SRSF5: variants seen among roughly 807,000 people sequenced by gnomAD.
The protein encoded by SRSF5 is serine/arginine-rich splicing factor 5.
A neutral mutation model predicts 34.0 loss-of-function variants in SRSF5; 5 were observed. The ratio of observed to expected loss-of-function variants is 0.15; its 90% confidence interval spans 0.08 to 0.31. The LOEUF (loss-of-function observed/expected upper bound fraction) is 0.31. Ranked by LOEUF, SRSF5 falls within the 10% of genes least tolerant of loss-of-function variation. The pLI is 1.00. For synonymous variants in SRSF5, 164 were observed against 117.7 expected (o/e 1.39, Z -2.55); for missense variants, 223 against 351.4 (o/e 0.63, Z 2.92).
chr14:69,770,487 A>G lies in SRSF5; in HGVS notation c.387A>G (p.Arg129=), dbSNP rs1594753539. 1.4e-5 allele frequency: 23 copies of G among 1,614,074 alleles called. No homozygotes were observed. Among genetic ancestry groups the G allele is most frequent in the Non-Finnish European group, 1.9e-5 (22 of 1,180,006 alleles). Residue 129 remains arginine (R), a synonymous_variant, in exon 6 of 8, where the codon AGA becomes AGG. Coordinates refer to ENST00000557154, the MANE Select transcript of SRSF5 (RefSeq NM_001320214.2). The part of the protein sequence containing the change: ...VSWQDLKDFM[R]QAGEVTFADA... ...TTAAGGATCTCAAAGATTTCATGAGACAAGCTGGGGAAGTAACGTTTGCGG... is the reference window on the plus strand; with the variant it reads ...TTAAGGATCTCAAAGATTTCATGAGGCAAGCTGGGGAAGTAACGTTTGCGG...
intron 2 of SRSF5, 66 bp from the exon 3 acceptor site, chr14:69,768,538 T>C: frequency 6.8e-7 from 1 of 1,466,754 alleles, no homozygotes; most frequent in East Asian, 2.3e-5. Flanking sequence ...CTGATTTCAG[T>C]GCTCTTAATG....
At chr14:69,770,800 A>C (rs1394606845) in intron 6 of SRSF5, 195 bp from the exon 7 acceptor site, 6 of 649,144 alleles carry the variant, frequency 9.2e-6, no homozygotes, top group Non-Finnish European at 1.3e-5. Context: ...TGCATAGGGA[A>C]CCCCCTCAAC....
intron 4 of SRSF5, 130 bp from the exon 5 acceptor site, chr14:69,769,050 CAT>C (rs1236994984): frequency 2.3e-6 from 3 of 1,298,896 alleles, no homozygotes; most frequent in South Asian, 2.5e-5. Context: ...CTATATGAGT[CAT>C]AGAACACAAA....
At chr14:69,770,136 C>G in intron 5 of SRSF5, 4 of 1,052,042 alleles carry the variant, frequency 3.8e-6, no homozygotes, top group Non-Finnish European at 3.4e-6. Flanking sequence ...CTACTTTAGT[C>G]TTTACTTTAA....
rs771592153 is a variant in SRSF5 at position 69,771,217 on chromosome 14, C to A, written c.575C>A (p.Ser192Tyr). The part of the protein sequence containing the change: ...RHSRSRSRSR[S>Y]RTRSSSRSRS... ...AGTAGGTCAAGAAGCAGGTCTCGAT[C>A]CCGGACCAGAAGTTCCTCTAGGTCT... The change falls in exon 8 of 8, where the codon TCC becomes TAC. Residue 192 changes from serine (S) to tyrosine (Y), a missense_variant. By Grantham distance (144) the Ser-to-Tyr change is moderately radical (BLOSUM62 -2). Around this residue, in one of 4 missense-constraint regions of SRSF5, gnomAD observed 115 missense variants for 119.7 expected, o/e 0.96. Transcript: ENST00000557154. 6.2e-7 allele frequency: 1 copy of A among 1,614,034 alleles called. No homozygotes were observed. The highest frequency in any genetic ancestry group is 8.5e-7 in the Non-Finnish European group (1 of 1,180,042).
At chr14:69,769,828 T>TCG in intron 5 of SRSF5, 1 of 1,314,314 alleles carries the variant, frequency 7.6e-7, no homozygotes, top group Non-Finnish European at 9.7e-7. Context: ...GGAATCCTGA[T>TCG]CGCAGTAAAG....
chr14:69,769,380 CATTT>C (rs1273760263), intron 5 of SRSF5, 129 bp downstream of exon 5: 67 of 1,500,910 alleles, frequency 4.5e-5, no homozygotes, highest in Middle Eastern at 4.0e-4. Context: ...TAATTTTAAA[CATTT>C]AATTAAATGT....
intron 1 of SRSF5, 63 bp from the exon 2 acceptor site, chr14:69,768,074 GT>G (rs1882751104): frequency 6.4e-7 from 1 of 1,566,194 alleles, no homozygotes; most frequent in East Asian, 2.2e-5. Flanking sequence ...GTTTTTGATT[GT>G]TTAATCAGGC....
rs1594753577 is a variant in SRSF5, at chr14:69,770,524, C to T, written c.424C>T (p.Pro142Ser). The T allele has an allele frequency of 6.2e-7, 1 of 1,613,662 alleles. No individual in the cohort carries two copies. Among genetic ancestry groups the T allele is most frequent in the Admixed American group, 1.7e-5 (1 of 59,964 alleles). The change falls in exon 6 of 8, where the codon CCT (proline) becomes TCT (serine). Residue 142 changes from proline (P) to serine (S), a missense_variant. Pro to Ser is a moderately conservative substitution (Grantham distance 74). Coordinates refer to ENST00000557154, the MANE Select transcript of SRSF5 (RefSeq NM_001320214.2). ...AGTAACGTTTGCGGATGCACACCGA[C>T]CTAAATTAAATGAAGGGTATGTACT... ...GEVTFADAHR[P>S]KLNEGVVEFA...
At chr14:69,769,633 AC>A in intron 5 of SRSF5, 2 of 1,534,518 alleles carry the variant, frequency 1.3e-6, no homozygotes, top group Non-Finnish European at 1.7e-6. Flanking sequence ...TCAGTTGGCC[AC>A]CTCTAGATCT....
chr14:69,769,000 GTTC>G (rs1445420139), intron 4 of SRSF5, 104 bp downstream of exon 4: 18 of 1,337,578 alleles, frequency 1.3e-5, no homozygotes, highest in Non-Finnish European at 1.8e-5. Flanking sequence ...CGTATAATCT[GTTC>G]TTCTATTCCC....
intron 5 of SRSF5, chr14:69,769,719 C>T (rs1050738617): frequency 2.1e-6 from 3 of 1,430,850 alleles, no homozygotes; most frequent in South Asian, 1.5e-5. Flanking sequence ...GCGTTGATAA[C>T]GTGATCTGAT....
rs535128248 is a variant in SRSF5, at chr14:69,767,653, C to T, written c.-20+398C>T. On this transcript the variant is annotated intron_variant, in intron 1 of 7. Coordinates refer to ENST00000557154, the MANE Select transcript of SRSF5 (RefSeq NM_001320214.2). Reference sequence around the variant, plus strand: ...AAGAGGGAATTTGGCACGCGCAGCTCTGCTGCCTTTGATTCCACCGCCGCC... The same window carrying T: ...AAGAGGGAATTTGGCACGCGCAGCTTTGCTGCCTTTGATTCCACCGCCGCC... The T allele has an allele frequency of 9.9e-4, 388 of 393,830 alleles. 5 individuals are homozygous for T. The highest frequency in any genetic ancestry group is 6.2e-3 in the South Asian group (360 of 57,744). The allele number at this position is 393,830 out of a possible 1,614,324, so 24.4% of individuals were successfully genotyped here. A position where few individuals can be genotyped will look rare whatever the true frequency, so the allele number is the denominator to read the frequency against.
rs775698330 is a variant in SRSF5 at position 69,769,265 on chromosome 14, C to T, written c.366+14C>T. 5.0e-6 allele frequency: 8 copies of T among 1,613,808 alleles called. No individual in the cohort carries two copies. The East Asian group carries it at 1.6e-4, about 31-fold the overall frequency. On this transcript the variant is annotated intron_variant, in intron 5 of 7. Transcript: ENST00000557154. ...GTCAGCTGGCAGGTTTGTTGAAATACAGTTTTGAGTTATTTTGATGTGGCT... is the reference window on the plus strand; with the variant it reads ...GTCAGCTGGCAGGTTTGTTGAAATATAGTTTTGAGTTATTTTGATGTGGCT...
In SRSF5 at chr14:69,768,286, A is replaced by C; in HGVS notation, c.126+4A>C. ...GAAAAGAGGCTTTGGTTTTGTGGTA[A>C]GTATTTAGAACTGGGTGAATTATCT... is the stretch of plus-strand genomic sequence containing the variant. On this transcript the variant is annotated splice_donor_region_variant and intron_variant, in intron 2 of 7. Coordinates refer to ENST00000557154, the MANE Select transcript of SRSF5 (RefSeq NM_001320214.2). 5 of 1,614,194 alleles carry C rather than the reference A, an allele frequency of 3.1e-6. No homozygotes were observed. Among genetic ancestry groups the C allele is most frequent in the Non-Finnish European group, 4.2e-6 (5 of 1,180,024 alleles).
chr14:69,769,008 A>T, intron 4 of SRSF5, 112 bp downstream of exon 4: 1 of 1,307,082 alleles, frequency 7.7e-7, no homozygotes, highest in African/African-American at 1.6e-5. Context: ...CTGTTCTTCT[A>T]TTCCCACGTT....
intron 6 of SRSF5, 136 bp downstream of exon 6, chr14:69,770,676 C>A: frequency 2.5e-6 from 2 of 798,966 alleles, no homozygotes; most frequent in East Asian, 2.7e-5. Flanking sequence ...TCCCTCCTCC[C>A]CCCCACACCT....
At position 69,767,267 on chromosome 14, in the gene SRSF5, A is replaced by G; in HGVS notation, c.-20+12A>G. 2.5e-6 allele frequency: 1 copy of G among 394,196 alleles called. No homozygotes were observed. Among genetic ancestry groups the G allele is most frequent in the Non-Finnish European group, 4.9e-6 (1 of 204,150 alleles). 24.4% of individuals were successfully genotyped at this position (394,196 alleles called of 1,614,324 possible). A position where few individuals can be genotyped will look rare whatever the true frequency, so the allele number is the denominator to read the frequency against. ...ACCCCGTCCGGTAGGTGAGTGGCTC[A>G]CTTTGAGGGCAAGCCTTCTCGGATC... On this transcript the variant is annotated intron_variant, in intron 1 of 7. Coordinates refer to ENST00000557154, the MANE Select transcript of SRSF5 (RefSeq NM_001320214.2).
chr14:69,770,315 T>C, intron 5 of SRSF5, 152 bp from the exon 6 acceptor site: 1 of 1,422,370 alleles, frequency 7.0e-7, no homozygotes, highest in Non-Finnish European at 9.2e-7. Flanking sequence ...ATAGATAATT[T>C]TTGAATTCTG....
Sources: allele counts gnomAD v4.1 joint callset, GRCh38; gene constraint gnomAD v4.1.1; regional missense constraint gnomAD v4.1.1; transcripts MANE v1.5; gene names NCBI Gene and HGNC (gene_info 2026-07-23, HGNC 2026-07-21).